PTBP1: variants seen among roughly 807,000 people sequenced by gnomAD.
The protein encoded by PTBP1 is polypyrimidine tract-binding protein 1.
A neutral mutation model predicts 59.8 loss-of-function variants in PTBP1; 8 were observed. That is an observed-to-expected ratio of 0.13 (90% CI 0.08 to 0.24). PTBP1 has a LOEUF of 0.24. Ranked by LOEUF, PTBP1 falls within the 10% of genes least tolerant of loss-of-function variation. PTBP1 has a pLI of 1.00. For missense variants in PTBP1, 686 were observed against 767.0 expected (o/e 0.89, Z 1.25); for synonymous variants, 490 against 320.7 (o/e 1.53, Z -5.64).
chr19:800,629 G>A (rs925728508), intron 2 of PTBP1, among the ~76,000 whole-genome samples: 17 of 152,208 alleles, frequency 1.1e-4, no homozygotes, highest in African/African-American at 4.1e-4. Context: ...GCCAGGTTTC[G>A]GTTTTTCCCA....
intron 2 of PTBP1, among the ~76,000 whole-genome samples, chr19:801,412 T>G (rs2034328437): frequency 6.6e-6 from 1 of 152,248 alleles, no homozygotes; most frequent in Non-Finnish European, 1.5e-5. Flanking sequence ...CAGACAGTTG[T>G]GGGCAATGCC....
chr19:810,498 C>T (rs748600384), intron 13 of PTBP1, 45 bp from the exon 14 acceptor site: 1 of 1,566,680 alleles, frequency 6.4e-7, no homozygotes, highest in South Asian at 1.1e-5. Flanking sequence ...ACTGGGCGCC[C>T]CCACCCCCAC....
rs1235310556 is a variant in PTBP1, at chr19:811,566, A to G, written c.*740A>G. On this transcript the variant is annotated 3_prime_UTR_variant, in exon 15 of 15. Coordinates refer to ENST00000356948, the MANE Select transcript of PTBP1 (RefSeq NM_002819.5). The stretch of plus-strand genomic sequence containing the variant: ...TTTTATAGCAAGATGATACAATGGT[A>G]TGAGTGTAATCTAAACTTCCTTGTG... The G allele has an allele frequency of 6.6e-6, 1 of 152,462 alleles. No homozygotes were observed. Among genetic ancestry groups the G allele is most frequent in the Admixed American group, 6.5e-5 (1 of 15,292 alleles). 9.4% of individuals were successfully genotyped at this position (152,462 alleles called of 1,614,324 possible).
Position 808,136 on chromosome 19 carries a change from G to T in PTBP1, c.1154-224G>T. ...CCTGTCGGTGGCATATGCCACCGTG[G>T]CCACCCGCTGGCAGCTTACCTGTCC... On this transcript the variant is annotated intron_variant, in intron 11 of 14. Coordinates refer to ENST00000356948, the MANE Select transcript of PTBP1 (RefSeq NM_002819.5). The surrounding 1 kb of genome is among the most constrained non-coding windows in gnomAD (Gnocchi z 4.7). 1 of 629,194 alleles carries T rather than the reference G, an allele frequency of 1.6e-6. No individual in the cohort carries two copies. Among genetic ancestry groups the T allele is most frequent in the Non-Finnish European group, 2.8e-6 (1 of 352,108 alleles). The allele number at this position is 629,194 out of a possible 1,614,324, so 39.0% of individuals were successfully genotyped here. A position where few individuals can be genotyped will look rare whatever the true frequency, so the allele number is the denominator to read the frequency against.
At chr19:805,299 C>T (rs1352259398) in intron 8 of PTBP1, 112 bp downstream of exon 8, 3 of 1,328,896 alleles carry the variant, frequency 2.3e-6, no homozygotes, top group African/African-American at 1.5e-5. Context: ...GCACCTGCTG[C>T]TCTCTGCACG....
intron 2 of PTBP1, 87 bp downstream of exon 2, chr19:799,530 C>A: frequency 1.5e-6 from 2 of 1,344,702 alleles, no homozygotes; most frequent in Non-Finnish European, 2.1e-6. Context: ...GTTGCGTTGG[C>A]TAGAGGGCGC....
At chr19:807,770 G>C (rs1477719611) in intron 10 of PTBP1, 99 bp from the exon 11 acceptor site, 2 of 906,562 alleles carry the variant, frequency 2.2e-6, no homozygotes, top group Non-Finnish European at 3.6e-6. Context: ...CTGCACGCCT[G>C]CGGGGACTGT....
At chr19:809,331 T>G (rs2034741298) in intron 13 of PTBP1, among the ~76,000 whole-genome samples, 1 of 151,074 alleles carries the variant, frequency 6.6e-6, no homozygotes, top group Non-Finnish European at 1.5e-5. Flanking sequence ...TTTATTTATT[T>G]TACTTATTTT....
intron 13 of PTBP1, among the ~76,000 whole-genome samples, chr19:809,286 G>A (rs2034736466): frequency 2.0e-5 from 3 of 150,180 alleles, no homozygotes; most frequent in South Asian, 4.2e-4. Flanking sequence ...GGATACAGGC[G>A]TGAGCCACCG....
chr19:807,823 TC>T (rs745788376), intron 10 of PTBP1, 45 bp from the exon 11 acceptor site: 2 of 1,559,884 alleles, frequency 1.3e-6, no homozygotes, highest in Non-Finnish European at 1.8e-6. Context: ...CCTTGACCTC[TC>T]CCTCTCCCCT....
chr19:806,780 G>T (rs1183351207), intron 10 of PTBP1: 4 of 468,136 alleles, frequency 8.5e-6, no homozygotes, highest in East Asian at 3.6e-5. Flanking sequence ...TGCATGATAC[G>T]CAGAATGAAT....
intron 10 of PTBP1, 130 bp from the exon 11 acceptor site, chr19:807,739 A>G: frequency 1.4e-6 from 1 of 696,988 alleles, no homozygotes; most frequent in Non-Finnish European, 2.5e-6. Context: ...ACATCCTGAC[A>G]ACTTCATCAT....
In PTBP1 at chr19:811,622, T is replaced by C. The variant is rs915256886; in HGVS notation, c.*796T>C. 6.6e-6 allele frequency: 1 copy of C among 152,420 alleles called. No homozygotes were observed. The highest frequency in any genetic ancestry group is 2.4e-5 in the African/African-American group (1 of 41,472). 9.4% of individuals were successfully genotyped at this position (152,420 alleles called of 1,614,324 possible). On this transcript the variant is annotated 3_prime_UTR_variant, in exon 15 of 15. Coordinates refer to ENST00000356948, the MANE Select transcript of PTBP1 (RefSeq NM_002819.5). ...ACCTTGTATGCTGTTACTTTTATTTTATTCCTTGTAATTAAGTCACAGGCA... is the reference window on the plus strand; with the variant it reads ...ACCTTGTATGCTGTTACTTTTATTTCATTCCTTGTAATTAAGTCACAGGCA...
At chr19:805,653 C>T (rs2034531138) in intron 9 of PTBP1, 84 bp downstream of exon 9, 4 of 1,134,166 alleles carry the variant, frequency 3.5e-6, no homozygotes, top group Admixed American at 3.5e-5. Flanking sequence ...CGGCGGCAGC[C>T]TGGGCGGACT....
chr19:808,232 C>A lies in PTBP1; in HGVS notation c.1154-128C>A. On this transcript the variant is annotated intron_variant, in intron 11 of 14. Coordinates refer to ENST00000356948, the MANE Select transcript of PTBP1 (RefSeq NM_002819.5). This position sits in a 1 kb window ranked among gnomAD's most constrained non-coding sequence, Gnocchi z 4.7. ...CCTGTGGCTGCGAGACGCAGCTCCG[C>A]AGTGGCCGATAAAGCAAACCCGGCC... 1 of 773,956 alleles carries A rather than the reference C, an allele frequency of 1.3e-6. No individual in the cohort carries two copies. The highest frequency in any genetic ancestry group is 2.2e-6 in the Non-Finnish European group (1 of 460,018). The allele number at this position is 773,956 out of a possible 1,614,324, so 47.9% of individuals were successfully genotyped here.
Position 808,484 on chromosome 19 carries a change from G to T in PTBP1, c.1246+32G>T, listed in dbSNP as rs1338618860. 9.0e-6 allele frequency: 14 copies of T among 1,561,170 alleles called. No individual in the cohort carries two copies. Among genetic ancestry groups the T allele is most frequent in the African/African-American group, 2.7e-5 (2 of 73,524 alleles). ...GGCCGGGGCGGCCCCGGGGTGGAGG[G>T]GGCAGGGGCGGGGGCTGCGTTCCCT... is the stretch of plus-strand genomic sequence containing the variant. On this transcript the variant is annotated intron_variant, in intron 12 of 14. Transcript: ENST00000356948. This position sits in a 1 kb window ranked among gnomAD's most constrained non-coding sequence, Gnocchi z 4.7.
At chr19:801,758 C>T (rs542383762) in intron 2 of PTBP1, among the ~76,000 whole-genome samples, 1 of 152,342 alleles carries the variant, frequency 6.6e-6, no homozygotes, top group African/African-American at 2.4e-5. Flanking sequence ...CCCGTCCTCC[C>T]TTCCTCCGGT....
rs351980 is a variant in PTBP1 at position 804,456 on chromosome 19, G to A, written c.435+18G>A. The A allele has an allele frequency of 0.11, 177,013 of 1,606,316 alleles. 12,722 individuals carry two copies. The highest frequency in any genetic ancestry group is 0.32 in the African/African-American group (24,166 of 74,890). ...ACCAGGCGGTGCGTGGCCCCGCGGC[G>A]GACCCCAGCAGCCCGGGGACCTCGG... On this transcript the variant is annotated intron_variant, in intron 5 of 14. Coordinates refer to ENST00000356948, the MANE Select transcript of PTBP1 (RefSeq NM_002819.5).
At chr19:807,496 C>T (rs563386880) in intron 10 of PTBP1, 126 of 255,430 alleles carry the variant, frequency 4.9e-4, no homozygotes, top group Non-Finnish European at 7.3e-4. Context: ...TAGAACACTA[C>T]CTGATTCTTA....
Sources: allele counts gnomAD v4.1 joint callset (sites outside exome capture counted in the v4.1 genomes callset), GRCh38; gene constraint gnomAD v4.1.1; non-coding constraint Gnocchi (gnomAD v3.1); transcripts MANE v1.5; gene names NCBI Gene and HGNC (gene_info 2026-07-23, HGNC 2026-07-21).